The following CTNNAL1 variants were observed in gnomAD, a reference collection of about 807,000 sequenced individuals.
CTNNAL1 encodes the protein alpha-catulin.
A neutral mutation model predicts 93.6 loss-of-function variants in CTNNAL1; 69 were observed. The observed-to-expected ratio is 0.74, with a 90% confidence interval of 0.61 to 0.90. The LOEUF (loss-of-function observed/expected upper bound fraction) is 0.90, where lower values mean the gene tolerates loss of function less well. CTNNAL1 is among the 40% of genes least tolerant of loss of function. The pLI is 0.00. For missense variants in CTNNAL1, 836 were observed against 862.0 expected (o/e 0.97, Z 0.38); for synonymous variants, 286 against 305.4 (o/e 0.94, Z 0.66).
chr9:108,968,426 T>C (rs1344212835), intron 10 of CTNNAL1, among the ~76,000 whole-genome samples: 1 of 152,108 alleles, frequency 6.6e-6, no homozygotes, highest in East Asian at 1.9e-4. Context: ...TCTGCTGCAA[T>C]AAAACAATAA....
intron 17 of CTNNAL1, among the ~76,000 whole-genome samples, chr9:108,943,476 C>T (rs1442894561): frequency 6.6e-6 from 1 of 152,114 alleles, no homozygotes; most frequent in East Asian, 1.9e-4. Context: ...TGAAGGGCAG[C>T]TGTTCAGTGC....
intron 5 of CTNNAL1, among the ~76,000 whole-genome samples, chr9:108,983,942 A>T (rs1831519849): frequency 6.6e-6 from 1 of 152,236 alleles, no homozygotes; most frequent in Non-Finnish European, 1.5e-5. Context: ...AACAGGAATT[A>T]AAGGGTGAAT....
chr9:108,983,556 T>C (rs1831504989), intron 5 of CTNNAL1, among the ~76,000 whole-genome samples: 1 of 152,200 alleles, frequency 6.6e-6, no homozygotes. Context: ...GTAAGTTTAC[T>C]TAAAAATTTT....
intron 4 of CTNNAL1, among the ~76,000 whole-genome samples, chr9:108,985,805 T>C (rs891051023): frequency 6.6e-6 from 1 of 152,156 alleles, no homozygotes; most frequent in African/African-American, 2.4e-5. Flanking sequence ...GTGTATGCCA[T>C]ACCTGACACT....
Position 108,943,974 on chromosome 9 carries a change from A to G in CTNNAL1, c.1929T>C (p.Ala643=). Residue 643 remains alanine, a synonymous_variant, in exon 16 of 19, where the codon GCT becomes GCC. Transcript: ENST00000325551. ...AGACATGTGTTACCTGTTTTGAAAA[A>G]GCTTGAACACTGGAAGTAAGCTTTA... The part of the protein sequence containing the change: ...EGLKLTSSVQ[A]FSKQLKDDDK... 1 of 1,613,642 alleles carries G rather than the reference A, an allele frequency of 6.2e-7. No homozygotes were observed. Among genetic ancestry groups the G allele is most frequent in the Non-Finnish European group, 8.5e-7 (1 of 1,179,850 alleles).
chr9:108,983,930 GA>G (rs1198117359), intron 5 of CTNNAL1, among the ~76,000 whole-genome samples: 2 of 152,238 alleles, frequency 1.3e-5, no homozygotes, highest in African/African-American at 4.8e-5. Flanking sequence ...GTTAAAAGTG[GA>G]AACAGGAATT....
intron 2 of CTNNAL1, among the ~76,000 whole-genome samples, chr9:108,995,445 T>C (rs1006249546): frequency 6.6e-6 from 1 of 152,218 alleles, no homozygotes; most frequent in African/African-American, 2.4e-5. Context: ...GACAGTAACA[T>C]TTGGTTGGCT....
At chr9:108,964,741 GTAT>G (rs1564128807) in intron 11 of CTNNAL1, among the ~76,000 whole-genome samples, 1 of 151,984 alleles carries the variant, frequency 6.6e-6, no homozygotes, top group African/African-American at 2.4e-5. Context: ...AAGAGCTGTT[GTAT>G]TATAATTAAA....
chr9:108,948,146 C>T (rs769454330), intron 15 of CTNNAL1, 40 bp downstream of exon 15: 19 of 1,603,474 alleles, frequency 1.2e-5, no homozygotes, highest in East Asian at 6.7e-5. Flanking sequence ...ACTTTTAGCC[C>T]GAAATTAAAG....
intron 8 of CTNNAL1, among the ~76,000 whole-genome samples, chr9:108,975,395 G>C (rs1433347758): frequency 6.6e-6 from 1 of 152,082 alleles, no homozygotes; most frequent in Non-Finnish European, 1.5e-5. Flanking sequence ...CCATGAGAGT[G>C]AGAGTCCACT....
chr9:108,984,631 A>T (rs1160175568), intron 4 of CTNNAL1, among the ~76,000 whole-genome samples, 195 bp from the exon 5 acceptor site: 2 of 152,054 alleles, frequency 1.3e-5, no homozygotes, highest in African/African-American at 2.4e-5. Context: ...GAGTAGAAAG[A>T]AAAAGCTACT....
intron 1 of CTNNAL1, among the ~76,000 whole-genome samples, chr9:109,011,141 C>G (rs1827191322): frequency 6.6e-6 from 1 of 152,218 alleles, no homozygotes; most frequent in Admixed American, 6.5e-5. Flanking sequence ...CTGTTTTAAT[C>G]TCCTAACACT....
At chr9:109,001,028 C>T (rs1488488743) in intron 1 of CTNNAL1, among the ~76,000 whole-genome samples, 2 of 150,466 alleles carry the variant, frequency 1.3e-5, no homozygotes, top group East Asian at 2.0e-4. Flanking sequence ...AAAAATTAGC[C>T]GGGTGTGGTG....
At chr9:108,975,860 T>C (rs1161182258) in intron 8 of CTNNAL1, among the ~76,000 whole-genome samples, 2 of 152,206 alleles carry the variant, frequency 1.3e-5, no homozygotes, top group African/African-American at 4.8e-5. Context: ...ACGGTCCAGT[T>C]GTAGTTTGTG....
At chr9:108,973,089 T>C (rs948693000) in intron 8 of CTNNAL1, among the ~76,000 whole-genome samples, 24 of 152,282 alleles carry the variant, frequency 1.6e-4, no homozygotes, top group Non-Finnish European at 2.9e-4. Flanking sequence ...ATCTAATTCA[T>C]CCTTTAACCC....
chr9:108,978,179 C>T (rs1222916843), intron 7 of CTNNAL1, among the ~76,000 whole-genome samples: 1 of 152,190 alleles, frequency 6.6e-6, no homozygotes, highest in Non-Finnish European at 1.5e-5. Context: ...AAACTGAACA[C>T]TGAAGCAATC....
At chr9:108,957,884 A>G (rs960737288) in intron 11 of CTNNAL1, among the ~76,000 whole-genome samples, 4 of 151,982 alleles carry the variant, frequency 2.6e-5, no homozygotes, top group Non-Finnish European at 4.4e-5. Context: ...TTGGGAGGCT[A>G]AGGCAAGTGG....
chr9:108,954,655 T>C lies in CTNNAL1; in HGVS notation c.1629+1135A>G, dbSNP rs190277349. Among the ~76,000 whole-genome samples, 3 of 152,358 alleles carry C rather than the reference T, an allele frequency of 2.0e-5. No individual in the cohort carries two copies. The East Asian group carries it at 5.8e-4, about 29-fold the overall frequency. ...GCTTAAGGCACAAAAACTGTTTTTT[T>C]TAAGTCACAGAATTAATTTGCAGTA... On this transcript the variant is annotated intron_variant, in intron 12 of 18. Transcript: ENST00000325551.
intron 8 of CTNNAL1, among the ~76,000 whole-genome samples, chr9:108,973,073 A>C (rs969307446): frequency 6.6e-6 from 1 of 152,156 alleles, no homozygotes; most frequent in African/African-American, 2.4e-5. Flanking sequence ...CAAGGGCAGG[A>C]GTGATATCTA....
Sources: gnomAD v4.1 joint callset for allele counts (sites outside exome capture counted in the v4.1 genomes callset) on GRCh38, gnomAD v4.1.1 for gene constraint, MANE v1.5 for transcripts, NCBI Gene and HGNC (gene_info 2026-07-23, HGNC 2026-07-21) for gene names.